Variants in SASH1 observed in about 807,000 individuals in gnomAD.
SASH1 encodes the protein SAM and SH3 domain containing 1, also known as SAM and SH3 domain-containing protein 1.
In SASH1, 44 loss-of-function variants were observed where a neutral mutation model predicts 125.2. The ratio of observed to expected loss-of-function variants is 0.35; its 90% CI spans 0.28 to 0.45. The LOEUF (loss-of-function observed/expected upper bound fraction) is 0.45, where lower values mean the gene tolerates loss of function less well. SASH1 is among the 20% of genes least tolerant of loss of function. SASH1 has a pLI of 1.00. For synonymous variants in SASH1, 639 were observed against 649.1 expected, an observed-to-expected ratio of 0.98 and a Z score of 0.24; for missense variants, 1,426 against 1,614.5, an observed-to-expected ratio of 0.88 and a Z score of 2.00.
rs1782098048 is a variant in SASH1 at position 148,359,354 on chromosome 6, G to T, written c.156+16131G>T. Among the ~76,000 whole-genome samples the T allele has an allele frequency of 2.0e-5, 3 of 146,532 alleles. No homozygotes were observed. In the South Asian group the frequency reaches 6.5e-4, roughly 32 times the overall value. The stretch of plus-strand genomic sequence containing the variant: ...TTTTTTTTTTTTTAACAAATTGAAG[G>T]TTTGTGGCAACCCTGTGTTGAGCAA... On this transcript the variant is annotated intron_variant, in intron 1 of 19. Coordinates refer to ENST00000367467, the MANE Select transcript of SASH1 (RefSeq NM_015278.5).
At chr6:148,379,151 T>G (rs1288085786) in intron 1 of SASH1, among the ~76,000 whole-genome samples, 3 of 152,202 alleles carry the variant, frequency 2.0e-5, no homozygotes, top group African/African-American at 4.8e-5. Flanking sequence ...GTGCATGCCC[T>G]CTATATTCCT....
intron 1 of SASH1, among the ~76,000 whole-genome samples, chr6:148,309,060 G>C (rs1218931051): frequency 3.7e-5 from 5 of 136,138 alleles, no homozygotes; most frequent in East Asian, 2.1e-4. Flanking sequence ...CTCCAATTTG[G>C]GTGACAGAGC....
At chr6:148,545,550 C>G (rs547384744) in intron 18 of SASH1, among the ~76,000 whole-genome samples, 1 of 152,356 alleles carries the variant, frequency 6.6e-6, no homozygotes, top group South Asian at 2.1e-4. Context: ...GTTAGCCCTT[C>G]TCTCCTGCAG....
intron 2 of SASH1, among the ~76,000 whole-genome samples, chr6:148,411,832 C>T (rs1274743943): frequency 2.0e-5 from 3 of 152,220 alleles, no homozygotes; most frequent in Admixed American, 2.0e-4. Context: ...GCGTGAGCCA[C>T]TGTGCTCAGC....
intron 1 of SASH1, among the ~76,000 whole-genome samples, chr6:148,350,355 GTC>G (rs1442769815): frequency 6.6e-6 from 1 of 152,286 alleles, no homozygotes; most frequent in African/African-American, 2.4e-5. Context: ...TTGTATACCT[GTC>G]TCTCTATACT....
chr6:148,491,184 G>T lies in SASH1; in HGVS notation c.729+3469G>T, dbSNP rs533474946. Among the ~76,000 whole-genome samples, 12 of 152,324 alleles carry T rather than the reference G, an allele frequency of 7.9e-5. No individual in the cohort carries two copies. The South Asian group carries it at 2.5e-3, about 32-fold the overall frequency. ...TCCTTGGAAATAGTGACCCCCTTGG[G>T]CAAGAAAGACTGTATTCTTTGTCTC... On this transcript the variant is annotated intron_variant, in intron 8 of 19. Transcript: ENST00000367467.
chr6:148,452,575 G>A (rs1777151598), intron 4 of SASH1, among the ~76,000 whole-genome samples: 2 of 152,192 alleles, frequency 1.3e-5, no homozygotes, highest in Non-Finnish European at 2.9e-5. Context: ...CAAGTTATTC[G>A]AATTCTTTAC....
chr6:148,498,432 A>G (rs1303551072), intron 8 of SASH1, among the ~76,000 whole-genome samples: 1 of 152,026 alleles, frequency 6.6e-6, no homozygotes, highest in East Asian at 1.9e-4. Context: ...AAAGAAAAAC[A>G]TATCAAGGGC....
intron 1 of SASH1, among the ~76,000 whole-genome samples, chr6:148,375,665 C>G (rs1215621798): frequency 6.6e-6 from 1 of 152,172 alleles, no homozygotes; most frequent in Admixed American, 6.5e-5. Context: ...GCCATGATGT[C>G]ATATGTAATA....
At chr6:148,255,889 G>A in the SASH1 span, among the ~76,000 whole-genome samples, 6 of 152,048 alleles carry the variant, frequency 3.9e-5, no homozygotes, top group Admixed American at 2.6e-4. Flanking sequence ...CAATCTACCC[G>A]CCTCGGCCTC....
At chr6:148,394,641 CTCTT>C (rs1033026458) in intron 2 of SASH1, among the ~76,000 whole-genome samples, 6 of 152,036 alleles carry the variant, frequency 3.9e-5, no homozygotes, top group Non-Finnish European at 5.9e-5. Flanking sequence ...CTATCTCTCT[CTCTT>C]TCTTTCTTTC....
the SASH1 span, among the ~76,000 whole-genome samples, chr6:148,215,871 T>G: frequency 6.6e-6 from 1 of 152,064 alleles, no homozygotes; most frequent in Non-Finnish European, 1.5e-5. Flanking sequence ...TATTTATTTA[T>G]TTTTGAGAAA....
intron 12 of SASH1, among the ~76,000 whole-genome samples, chr6:148,530,743 T>C (rs973152961): frequency 2.0e-5 from 3 of 152,232 alleles, no homozygotes; most frequent in Non-Finnish European, 4.4e-5. Context: ...ATATCGTCTA[T>C]TGATGTAGCA....
At chr6:148,497,163 CTAAAG>C (rs1562458983) in intron 8 of SASH1, among the ~76,000 whole-genome samples, 1 of 152,086 alleles carries the variant, frequency 6.6e-6, no homozygotes, top group Admixed American at 6.6e-5. Flanking sequence ...TAGGGTGAGA[CTAAAG>C]GAAAAATCAG....
intron 4 of SASH1, among the ~76,000 whole-genome samples, chr6:148,443,491 T>TA (rs1264899192): frequency 3.9e-5 from 1 of 25,828 alleles, no homozygotes; most frequent in Non-Finnish European, 7.2e-5. Context: ...TTATATATAT[T>TA]TTATATATAT....
rs68036618 is a variant in SASH1, at chr6:148,486,936, AATATATATATAT to A, written c.628-631_628-620del. ...AGACCCTGTCTCAACAACAACAACA[AATATATATATAT>A]ATATATATATATATATATATATATA... On this transcript the variant is annotated intron_variant, in intron 7 of 19. Coordinates refer to ENST00000367467, the MANE Select transcript of SASH1 (RefSeq NM_015278.5). 3.1e-3 allele frequency among the ~76,000 whole-genome samples: 190 copies of A among 61,954 alleles called. 4 individuals are homozygous for A. The highest frequency in any genetic ancestry group is 8.6e-3 in the South Asian group (13 of 1,518). 40.6% of individuals were successfully genotyped at this position (61,954 alleles called of 152,430 possible). A position where few individuals can be genotyped will look rare whatever the true frequency, so the allele number is the denominator to read the frequency against.
chr6:148,408,642 C>T (rs71554408), intron 2 of SASH1, among the ~76,000 whole-genome samples: 7,790 of 152,228 alleles, frequency 0.051, 254 homozygotes, highest in East Asian at 0.079. Flanking sequence ...CACTCTTGAT[C>T]GTGTCCTTTG....
intron 4 of SASH1, among the ~76,000 whole-genome samples, chr6:148,445,613 G>A (rs1018703863): frequency 1.3e-5 from 2 of 152,160 alleles, no homozygotes; most frequent in African/African-American, 2.4e-5. Flanking sequence ...AAACCCAGAT[G>A]GCTGGACTGC....
the SASH1 span, among the ~76,000 whole-genome samples, chr6:148,248,459 A>G: frequency 1.3e-5 from 2 of 152,258 alleles, no homozygotes; most frequent in African/African-American, 4.8e-5. Context: ...CATAACGTGC[A>G]GAATTCTGCC....
Sources: allele counts gnomAD v4.1 joint callset (sites outside exome capture counted in the v4.1 genomes callset), GRCh38; gene constraint gnomAD v4.1.1; transcripts MANE v1.5; gene names NCBI Gene and HGNC (gene_info 2026-07-23, HGNC 2026-07-21).